NIBAN2: variants seen among roughly 807,000 people sequenced by gnomAD.
The protein encoded by NIBAN2 is protein Niban 2.
In NIBAN2, 36 loss-of-function variants were observed where a neutral mutation model predicts 81.8. The observed-to-expected ratio is 0.44, with a 90% CI of 0.34 to 0.58. The LOEUF (loss-of-function observed/expected upper bound fraction) is 0.58, where lower values mean the gene tolerates loss of function less well. Among genes scored for constraint, NIBAN2 ranks in the 20% least tolerant of loss-of-function variants. NIBAN2 has a pLI of 0.02. For missense variants in NIBAN2, 897 were observed against 1,014.1 expected (o/e 0.88, Z 1.57); for synonymous variants, 445 against 441.6 (o/e 1.01, Z -0.10).
At chr9:127,532,371 G>A (rs1167641187) in intron 1 of NIBAN2, among the ~76,000 whole-genome samples, 1 of 152,138 alleles carries the variant, frequency 6.6e-6, no homozygotes, top group African/African-American at 2.4e-5. Flanking sequence ...CAAGGTAGGT[G>A]GATCACCTGA....
intron 1 of NIBAN2, among the ~76,000 whole-genome samples, chr9:127,541,596 T>C (rs1318036514): frequency 1.3e-5 from 2 of 151,670 alleles, no homozygotes; most frequent in African/African-American, 2.4e-5. Context: ...AGGTGGGAAG[T>C]TGGGGGTGGG....
intron 1 of NIBAN2, among the ~76,000 whole-genome samples, chr9:127,547,877 C>T (rs1054615941): frequency 5.9e-5 from 9 of 152,124 alleles, no homozygotes; most frequent in Non-Finnish European, 1.0e-4. Flanking sequence ...AGCAACTTTA[C>T]GATCCCCCAT....
rs547390879 is a variant in NIBAN2, at chr9:127,523,792, G to A, written c.476C>T (p.Pro159Leu). 4.0e-5 allele frequency: 64 copies of A among 1,614,056 alleles called. No individual in the cohort carries two copies. The highest frequency in any genetic ancestry group is 4.7e-5 in the Non-Finnish European group (56 of 1,179,972). The change falls in exon 5 of 14, where the codon CCG becomes CTG. Residue 159 changes from proline to leucine, a missense_variant. By Grantham distance (98) the Pro-to-Leu change is moderately conservative. Around this residue, in one of 3 missense-constraint regions of NIBAN2, gnomAD observed 69 missense variants for 114.7 expected, o/e 0.60. Transcript: ENST00000373312. Reference sequence around the variant, plus strand: ...CGCATAAGGATGCCAGAGGATGAGCGGGAACTGTGTGGGGCACTTGAGGAT... The same window carrying A: ...CGCATAAGGATGCCAGAGGATGAGCAGGAACTGTGTGGGGCACTTGAGGAT... Reference protein sequence around the residue: ...APILKCPTQFPLILWHPYARH... With the variant: ...APILKCPTQFLLILWHPYARH...
In NIBAN2 at chr9:127,505,943, C is replaced by T. The variant is rs1436187139; in HGVS notation, c.*902G>A. On this transcript the variant is annotated 3_prime_UTR_variant, in exon 14 of 14. Transcript: ENST00000373312. ...CTCCCCAGGCAACCACTGAGGACCTCGGGGTGGCCTGTAGAAGACAGAACC... is the reference window on the plus strand; with the variant it reads ...CTCCCCAGGCAACCACTGAGGACCTTGGGGTGGCCTGTAGAAGACAGAACC... 1 of 152,430 alleles carries T rather than the reference C, an allele frequency of 6.6e-6. No individual in the cohort carries two copies. The highest frequency in any genetic ancestry group is 1.5e-5 in the Non-Finnish European group (1 of 68,270). The allele number at this position is 152,430 out of a possible 1,614,324, so 9.4% of individuals were successfully genotyped here. A position where few individuals can be genotyped will look rare whatever the true frequency, so the allele number is the denominator to read the frequency against.
Position 127,545,707 on chromosome 9 carries a change from C to T in NIBAN2, c.56-13929G>A, listed in dbSNP as rs925518425. 1.3e-5 allele frequency among the ~76,000 whole-genome samples: 2 copies of T among 152,118 alleles called. No homozygotes were observed. The highest frequency in any genetic ancestry group is 4.8e-5 in the African/African-American group (2 of 41,414). ...AGGCAGGAGGGCTGGGAGGAGAGGG[C>T]GGGGCTGAGGCGGGAGCCCAGAGAA... On this transcript the variant is annotated intron_variant, in intron 1 of 13. Transcript: ENST00000373312. This position sits in a 1 kb window ranked among gnomAD's most constrained non-coding sequence, Gnocchi z 4.7.
intron 1 of NIBAN2, among the ~76,000 whole-genome samples, chr9:127,549,642 G>T (rs769931679): frequency 1.3e-5 from 2 of 152,222 alleles, no homozygotes; most frequent in African/African-American, 4.8e-5. Flanking sequence ...AGGGAAAGAA[G>T]GGGAAGAAGA....
intron 1 of NIBAN2, among the ~76,000 whole-genome samples, chr9:127,541,830 G>C (rs1005523693): frequency 3.9e-5 from 6 of 152,130 alleles, no homozygotes; most frequent in African/African-American, 1.4e-4. Flanking sequence ...GGGTACAACA[G>C]CAGACCCCTG....
intron 1 of NIBAN2, among the ~76,000 whole-genome samples, chr9:127,546,242 C>T (rs1837469294): frequency 6.6e-6 from 1 of 152,218 alleles, no homozygotes; most frequent in Non-Finnish European, 1.5e-5. Context: ...TCCTCACCAC[C>T]CCCACAGGAG....
rs770106268 is a variant in NIBAN2, at chr9:127,516,917, T to G, written c.913A>C (p.Ile305Leu). 3.1e-6 allele frequency: 5 copies of G among 1,614,106 alleles called. No homozygotes were observed. The highest frequency in any genetic ancestry group is 4.2e-6 in the Non-Finnish European group (5 of 1,180,038). ...ATAATTTGGTCCATGTCAGTTCGGATGACGGCCTGCATGGCCGGCTGCACC... is the reference window on the plus strand; with the variant it reads ...ATAATTTGGTCCATGTCAGTTCGGAGGACGGCCTGCATGGCCGGCTGCACC... The part of the protein sequence containing the change: ...QQVQPAMQAV[I>L]RTDMDQIITS... Residue 305 changes from isoleucine to leucine, a missense_variant, in exon 8 of 14, where the codon ATC (isoleucine) becomes CTC (leucine). Ile to Leu is a conservative substitution (Grantham distance 5). This residue lies in a region of NIBAN2 where 619 missense variants were observed against 691.0 expected (regional missense o/e 0.90). Coordinates refer to ENST00000373312, the MANE Select transcript of NIBAN2 (RefSeq NM_022833.4).
At chr9:127,510,855 C>T (rs1836724715) in intron 8 of NIBAN2, among the ~76,000 whole-genome samples, 1 of 152,156 alleles carries the variant, frequency 6.6e-6, no homozygotes, top group Non-Finnish European at 1.5e-5. Flanking sequence ...ACTTCAGCCT[C>T]CTAATATTAT....
intron 1 of NIBAN2, among the ~76,000 whole-genome samples, chr9:127,555,207 T>C (rs1837645271): frequency 6.6e-6 from 1 of 152,212 alleles, no homozygotes; most frequent in Non-Finnish European, 1.5e-5. Flanking sequence ...CCTAACGCGG[T>C]ACATTCTAGA....
intron 1 of NIBAN2, chr9:127,561,132 C>T: frequency 1.0e-6 from 1 of 985,506 alleles, no homozygotes; most frequent in Non-Finnish European, 1.2e-6. Flanking sequence ...GTGGATGCTG[C>T]TGCGGAGTGA....
At chr9:127,522,671 C>T (rs1022738598) in intron 5 of NIBAN2, among the ~76,000 whole-genome samples, 9 of 152,128 alleles carry the variant, frequency 5.9e-5, no homozygotes, top group African/African-American at 2.2e-4. Context: ...TGTGGGTCTC[C>T]CTTCATGCTG....
intron 5 of NIBAN2, among the ~76,000 whole-genome samples, chr9:127,518,280 G>A (rs1341346115): frequency 4.6e-5 from 7 of 152,274 alleles, no homozygotes; most frequent in African/African-American, 7.2e-5. Context: ...GACAGGCCAC[G>A]GGCCCAGGGT....
At chr9:127,539,003 A>T (rs544237437) in intron 1 of NIBAN2, among the ~76,000 whole-genome samples, 79 of 152,024 alleles carry the variant, frequency 5.2e-4, no homozygotes, top group Non-Finnish European at 1.1e-3. Flanking sequence ...TTCACTATAT[A>T]CTTAAAATGG....
rs749826788 is a variant in NIBAN2, at chr9:127,517,095, GC to G, written c.810+16del. ...CTGCAGGTCCCGTCCCCGCTCCAGGGCCCCAGGCCCACCCACCTGGATCCAC... is the reference window on the plus strand; with the variant it reads ...CTGCAGGTCCCGTCCCCGCTCCAGGGCCCAGGCCCACCCACCTGGATCCAC... On this transcript the variant is annotated intron_variant, in intron 7 of 13. Transcript: ENST00000373312. The surrounding 1 kb of genome is among the most constrained non-coding windows in gnomAD (Gnocchi z 4.0). 2.5e-6 allele frequency: 4 copies of G among 1,612,362 alleles called. No individual in the cohort carries two copies. Among genetic ancestry groups the G allele is most frequent in the Admixed American group, 3.3e-5 (2 of 59,920 alleles).
At chr9:127,555,354 A>G (rs958330101) in intron 1 of NIBAN2, among the ~76,000 whole-genome samples, 13 of 152,180 alleles carry the variant, frequency 8.5e-5, no homozygotes, top group African/African-American at 3.1e-4. Context: ...GAAGATCCCA[A>G]TACTTTAGTC....
chr9:127,531,406 C>G (rs1471964071), intron 2 of NIBAN2, among the ~76,000 whole-genome samples: 2 of 152,076 alleles, frequency 1.3e-5, no homozygotes, highest in African/African-American at 4.8e-5. Flanking sequence ...GTGCCTTGAA[C>G]CTGGGAGGCG....
chr9:127,567,537 G>A (rs1448129149), intron 1 of NIBAN2, among the ~76,000 whole-genome samples: 1 of 152,214 alleles, frequency 6.6e-6, no homozygotes, highest in Non-Finnish European at 1.5e-5. Context: ...CAGTCACTTG[G>A]CAGATCTCCC....
Sources: gnomAD v4.1 joint callset for allele counts (sites outside exome capture counted in the v4.1 genomes callset) on GRCh38, gnomAD v4.1.1 for gene constraint, gnomAD v4.1.1 regional missense constraint, Gnocchi (gnomAD v3.1) non-coding constraint, MANE v1.5 for transcripts, NCBI Gene and HGNC (gene_info 2026-07-23, HGNC 2026-07-21) for gene names.